The following ZNF346 variants were observed in gnomAD, a reference collection of about 807,000 sequenced individuals.
ZNF346 encodes the protein zinc finger protein 346.
A neutral mutation model predicts 33.7 loss-of-function variants in ZNF346; 23 were observed. The ratio of observed to expected loss-of-function variants is 0.68; its 90% CI spans 0.49 to 0.97. The LOEUF is 0.97. Among genes scored for constraint, ZNF346 ranks in the 50% least tolerant of loss-of-function variants. The pLI, the probability that ZNF346 is intolerant of heterozygous loss-of-function variation, is 0.00. For missense variants in ZNF346, 340 were observed against 371.1 expected (o/e 0.92, Z 0.69); for synonymous variants, 134 against 142.4 (o/e 0.94, Z 0.42).
chr5:177,036,670 G>A (rs1778561260), intron 1 of ZNF346, among the ~76,000 whole-genome samples: 2 of 152,148 alleles, frequency 1.3e-5, no homozygotes, highest in South Asian at 2.1e-4. Flanking sequence ...GGCCAGTGAA[G>A]CCTTTCACTC....
intron 1 of ZNF346, among the ~76,000 whole-genome samples, chr5:177,033,376 C>A (rs773137697): frequency 6.6e-6 from 1 of 152,166 alleles, no homozygotes; most frequent in Non-Finnish European, 1.5e-5. Context: ...CTGACCCAGC[C>A]CTAGGATCTT....
At chr5:177,041,722 C>A in intron 2 of ZNF346, 56 bp from the exon 3 acceptor site, 1 of 1,123,892 alleles carries the variant, frequency 8.9e-7, no homozygotes, top group Non-Finnish European at 1.3e-6. Flanking sequence ...TTTTTGAGTG[C>A]CTTAAGTATG....
intron 3 of ZNF346, 119 bp from the exon 4 acceptor site, chr5:177,044,270 T>C (rs889956103): frequency 9.3e-7 from 1 of 1,080,198 alleles, no homozygotes; most frequent in Non-Finnish European, 1.3e-6. Flanking sequence ...GAAAGTAGGT[T>C]GGGGTTAATG....
At chr5:177,080,679 A>C (rs1301766050) in exon 9 of ZNF346, 1 of 152,308 alleles carries the variant, frequency 6.6e-6, no homozygotes, top group Non-Finnish European at 1.5e-5. Context: ...GTGGTGGCAC[A>C]CACCCGTAAT....
intron 5 of ZNF346, among the ~76,000 whole-genome samples, chr5:177,055,519 G>A (rs930866202): frequency 6.6e-6 from 1 of 152,140 alleles, no homozygotes; most frequent in Non-Finnish European, 1.5e-5. Context: ...CCTAGTAGGA[G>A]AAAAATATTA....
intron 8 of ZNF346, among the ~76,000 whole-genome samples, chr5:177,074,503 C>T (rs1174509406): frequency 1.3e-5 from 2 of 152,152 alleles, no homozygotes; most frequent in African/African-American, 4.8e-5. Flanking sequence ...TGATTCACAC[C>T]AGGACTTACA....
intron 3 of ZNF346, 154 bp downstream of exon 3, chr5:177,042,024 T>G: frequency 5.6e-6 from 3 of 534,102 alleles, no homozygotes; most frequent in Non-Finnish European, 6.9e-6. Flanking sequence ...GATTTCTTCC[T>G]CTATAAAAAT....
chr5:177,028,940 C>G (rs184443595), intron 1 of ZNF346, among the ~76,000 whole-genome samples: 2 of 151,686 alleles, frequency 1.3e-5, no homozygotes, highest in African/African-American at 4.8e-5. Flanking sequence ...AGGCTGATCT[C>G]GATTTCCTGA....
chr5:177,043,224 C>G (rs1248973321), intron 3 of ZNF346, among the ~76,000 whole-genome samples: 3 of 152,018 alleles, frequency 2.0e-5, no homozygotes, highest in Non-Finnish European at 4.4e-5. Flanking sequence ...GTCTCAAATT[C>G]CTGGTCTCAA....
chr5:177,075,483 C>T (rs993476549), intron 8 of ZNF346, among the ~76,000 whole-genome samples: 6 of 152,192 alleles, frequency 3.9e-5, no homozygotes, highest in Non-Finnish European at 7.4e-5. Flanking sequence ...TACCCTATAT[C>T]CCCTAATATG....
chr5:177,042,979 G>A (rs925189588), intron 3 of ZNF346, among the ~76,000 whole-genome samples: 1 of 152,130 alleles, frequency 6.6e-6, no homozygotes, highest in Non-Finnish European at 1.5e-5. Context: ...AGCCTCTGAA[G>A]TAGCTGGGAC....
exon 9 of ZNF346, chr5:177,080,511 G>A (rs1224097071): frequency 6.6e-6 from 1 of 152,154 alleles, no homozygotes; most frequent in African/African-American, 2.4e-5. Flanking sequence ...GAGTTTTCGG[G>A]ACTCAAACCC....
At chr5:177,078,307 G>C (rs917818809) in intron 8 of ZNF346, among the ~76,000 whole-genome samples, 1 of 152,224 alleles carries the variant, frequency 6.6e-6, no homozygotes, top group Non-Finnish European at 1.5e-5. Context: ...AGACGCCACG[G>C]TGTCAGCCAG....
intron 8 of ZNF346, among the ~76,000 whole-genome samples, chr5:177,075,125 G>T (rs1443026317): frequency 6.6e-6 from 1 of 151,918 alleles, no homozygotes; most frequent in Non-Finnish European, 1.5e-5. Context: ...TTTTGGCCGG[G>T]CATGGTGGCT....
At chr5:177,047,796 G>A (rs150668682) in intron 4 of ZNF346, among the ~76,000 whole-genome samples, 76 of 152,150 alleles carry the variant, frequency 5.0e-4, no homozygotes, top group Non-Finnish European at 6.9e-4. Context: ...ATGAGCCACC[G>A]TGCCCTGCCT....
chr5:177,063,547 C>T (rs998409685), intron 6 of ZNF346, among the ~76,000 whole-genome samples: 3 of 152,168 alleles, frequency 2.0e-5, no homozygotes, highest in African/African-American at 7.2e-5. Context: ...TGCAGCCTGG[C>T]TGATGGCAGT....
Position 177,067,535 on chromosome 5 carries a change from C to T in ZNF346, c.*2936C>T, listed in dbSNP as rs1783281071. Among the ~76,000 whole-genome samples, 1 of 152,180 alleles carries T rather than the reference C, an allele frequency of 6.6e-6. No individual in the cohort carries two copies. On this transcript the variant is annotated 3_prime_UTR_variant, in exon 7 of 7. Transcript: ENST00000358149. ...ATCTACCAAGCAAGGAAATGAAGGG[C>T]AGGGGGTGAGTGGGCTATCATACCG...
intron 5 of ZNF346, among the ~76,000 whole-genome samples, chr5:177,057,938 C>G (rs1489615275): frequency 1.3e-5 from 2 of 151,020 alleles, no homozygotes; most frequent in African/African-American, 4.9e-5. Flanking sequence ...TCTCCTGCCT[C>G]AGCCTCCCGA....
At chr5:177,072,383 T>G (rs1783549058), downstream of ZNF346, among the ~76,000 whole-genome samples, 1 of 152,212 alleles carries the variant, frequency 6.6e-6, no homozygotes, top group Admixed American at 6.5e-5. Flanking sequence ...GCCCTTCTTT[T>G]CCTTTTCTCC....
Sources: gnomAD v4.1 joint callset for allele counts (sites outside exome capture counted in the v4.1 genomes callset) on GRCh38, gnomAD v4.1.1 for gene constraint, MANE v1.5 for transcripts, NCBI Gene and HGNC (gene_info 2026-07-23, HGNC 2026-07-21) for gene names.